The following LEPR variants were observed in gnomAD, a reference collection of about 807,000 sequenced individuals.
The protein encoded by LEPR is leptin receptor.
Under a neutral mutation model 114.7 loss-of-function variants are expected in LEPR, and 56 were observed. The observed-to-expected ratio is 0.49, with a 90% CI of 0.39 to 0.61. LEPR has a LOEUF of 0.61. Ranked by LOEUF, LEPR falls within the 20% of genes least tolerant of loss-of-function variation. LEPR has a pLI of 0.00. For synonymous variants in LEPR, 443 were observed against 461.4 expected, an observed-to-expected ratio of 0.96 and a Z score of 0.51; for missense variants, 1,202 against 1,352.9, an observed-to-expected ratio of 0.89 and a Z score of 1.75.
chr1:65,547,144 C>A lies in LEPR; in HGVS notation c.-20-18402C>A, dbSNP rs1044999440. ...GTGTATATTGAACCAGCCTTGCATC[C>A]CAGGGATGAAGCCCACTTGATCATG... On this transcript the variant is annotated intron_variant, in intron 2 of 19. Coordinates refer to ENST00000349533, the MANE Select transcript of LEPR (RefSeq NM_002303.6). Among the ~76,000 whole-genome samples, 11 of 151,308 alleles carry A rather than the reference C, an allele frequency of 7.3e-5. 1 individual carries two copies. The highest frequency in any genetic ancestry group is 6.6e-4 in the Admixed American group (10 of 15,192).
chr1:65,610,370 C>T (rs1399664603), intron 14 of LEPR, 74 bp downstream of exon 14: 1 of 1,227,128 alleles, frequency 8.1e-7, no homozygotes, highest in African/African-American at 1.5e-5. Context: ...GTCCATAATC[C>T]TGTTATTAAT....
intron 2 of LEPR, among the ~76,000 whole-genome samples, chr1:65,555,236 G>A (rs1652734511): frequency 6.6e-6 from 1 of 152,176 alleles, no homozygotes; most frequent in Non-Finnish European, 1.5e-5. Context: ...AACAGCAATA[G>A]CATGTTCTCA....
At chr1:65,420,809 G>A in intron 1 of LEPR, 69 bp downstream of exon 1, 1 of 1,534,604 alleles carries the variant, frequency 6.5e-7, no homozygotes, top group Non-Finnish European at 8.8e-7. Context: ...CAAGCCTGGG[G>A]CTGCGCCTTC....
intron 2 of LEPR, among the ~76,000 whole-genome samples, chr1:65,564,555 A>G (rs921680512): frequency 1.1e-5 from 1 of 91,768 alleles, no homozygotes; most frequent in African/African-American, 4.5e-5. Context: ...AGCTGTTCCT[A>G]TTCGGCCATC....
chr1:65,466,845 GA>G (rs1313228390), intron 2 of LEPR, among the ~76,000 whole-genome samples: 2 of 152,046 alleles, frequency 1.3e-5, no homozygotes, highest in African/African-American at 4.8e-5. Context: ...CATGCATCAC[GA>G]AGTTCTTGTG....
At chr1:65,535,406 C>A (rs1650697308) in intron 2 of LEPR, among the ~76,000 whole-genome samples, 1 of 151,484 alleles carries the variant, frequency 6.6e-6, no homozygotes, top group Non-Finnish European at 1.5e-5. Context: ...CGCTCTATCA[C>A]CCAGGCTGAA....
Position 65,605,043 on chromosome 1 carries a change from G to A in LEPR, c.1409G>A (p.Ser470Asn). ...STLQLRYHRS[S>N]LYCSDIPSIH... ...TATTTTTGTATCTTTTAAAGGAGCAGCCTTTACTGTTCTGATATTCCATCT... is the reference window on the plus strand; with the variant it reads ...TATTTTTGTATCTTTTAAAGGAGCAACCTTTACTGTTCTGATATTCCATCT... The change falls in exon 11 of 20, where the codon AGC becomes AAC. Residue 470 changes from serine (S) to asparagine (N), a missense_variant. Transcript: ENST00000349533. 6.2e-7 allele frequency: 1 copy of A among 1,612,652 alleles called. No homozygotes were observed. Among genetic ancestry groups the A allele is most frequent in the Middle Eastern group, 1.9e-4 (1 of 5,362 alleles).
At chr1:65,518,885 C>CTTTCTTTCTTTCTT (rs1553160610) in intron 2 of LEPR, among the ~76,000 whole-genome samples, 2 of 80,862 alleles carry the variant, frequency 2.5e-5, no homozygotes, top group East Asian at 2.1e-4. Context: ...TTCTTTCTTT[C>CTTTCTTTCTTTCTT]TTTCTTTCTT....
chr1:65,519,056 CTCCTTCCTTCCT>C (rs538448169), intron 2 of LEPR, among the ~76,000 whole-genome samples: 5 of 141,926 alleles, frequency 3.5e-5, no homozygotes, highest in African/African-American at 1.0e-4. Context: ...CTTTCTCTCT[CTCCTTCCTTCCT>C]TCCTTCCTTC....
chr1:65,457,587 G>T (rs1646893887), intron 2 of LEPR, among the ~76,000 whole-genome samples: 1 of 152,180 alleles, frequency 6.6e-6, no homozygotes, highest in Admixed American at 6.5e-5. Context: ...TACTGGTCAA[G>T]TCAGGGCTTT....
chr1:65,557,924 A>G (rs1652940193), intron 2 of LEPR, among the ~76,000 whole-genome samples: 1 of 152,164 alleles, frequency 6.6e-6, no homozygotes, highest in Non-Finnish European at 1.5e-5. Flanking sequence ...AACCATCAGA[A>G]TAGTTTGTGT....
chr1:65,619,327 A>G (rs1657731940), intron 16 of LEPR, among the ~76,000 whole-genome samples: 1 of 152,274 alleles, frequency 6.6e-6, no homozygotes, highest in Middle Eastern at 3.4e-3. Context: ...ATTCTTCTAG[A>G]AGAATATTCA....
chr1:65,567,533 G>C (rs1218020897), intron 3 of LEPR, among the ~76,000 whole-genome samples: 1 of 152,030 alleles, frequency 6.6e-6, no homozygotes, highest in Non-Finnish European at 1.5e-5. Context: ...TATCAGTATG[G>C]CCATAGTCAC....
Position 65,633,684 on chromosome 1 carries a change from G to A in LEPR, c.2674-2507G>A, listed in dbSNP as rs559409902. Reference sequence around the variant, plus strand: ...CCATTTTAGATTCCTTTATAGACACGTCAGCCTAAAAATCAGCCTATTCGG... The same window carrying A: ...CCATTTTAGATTCCTTTATAGACACATCAGCCTAAAAATCAGCCTATTCGG... On this transcript the variant is annotated intron_variant, in intron 19 of 19. Coordinates refer to ENST00000349533, the MANE Select transcript of LEPR (RefSeq NM_002303.6). This position sits in a 1 kb window ranked among gnomAD's most constrained non-coding sequence, Gnocchi z 4.1. 3 of 985,428 alleles carry A rather than the reference G, an allele frequency of 3.0e-6. No individual in the cohort carries two copies. The highest frequency in any genetic ancestry group is 6.1e-5 in the Admixed American group (1 of 16,266). The allele number at this position is 985,428 out of a possible 1,614,324, so 61.0% of individuals were successfully genotyped here.
At chr1:65,546,076 A>G (rs1291995365) in intron 2 of LEPR, among the ~76,000 whole-genome samples, 3 of 151,926 alleles carry the variant, frequency 2.0e-5, no homozygotes, top group African/African-American at 7.3e-5. Flanking sequence ...TCCTTTCCCC[A>G]TTGCTTGTTT....
At chr1:65,539,639 C>T (rs1328658050) in intron 2 of LEPR, among the ~76,000 whole-genome samples, 1 of 152,186 alleles carries the variant, frequency 6.6e-6, no homozygotes, top group East Asian at 1.9e-4. Flanking sequence ...GGCCATTTGA[C>T]ACCTTTGAAT....
chr1:65,493,420 A>G (rs1008790718), intron 2 of LEPR, among the ~76,000 whole-genome samples: 3 of 152,036 alleles, frequency 2.0e-5, no homozygotes, highest in African/African-American at 7.2e-5. Context: ...CTTTTGCTCC[A>G]TATTCCAGAA....
chr1:65,538,031 A>G (rs1182589534), intron 2 of LEPR, among the ~76,000 whole-genome samples: 1 of 152,154 alleles, frequency 6.6e-6, no homozygotes, highest in Admixed American at 6.5e-5. Context: ...ATTCATATTT[A>G]CATTGTGAAT....
At chr1:65,456,279 G>C (rs989232628) in intron 2 of LEPR, among the ~76,000 whole-genome samples, 1 of 152,030 alleles carries the variant, frequency 6.6e-6, no homozygotes, top group African/African-American at 2.4e-5. Context: ...GACCAGAGCT[G>C]TTCCTATTCG....
Sources: gnomAD v4.1 joint callset for allele counts (sites outside exome capture counted in the v4.1 genomes callset) on GRCh38, gnomAD v4.1.1 for gene constraint, Gnocchi (gnomAD v3.1) non-coding constraint, MANE v1.5 for transcripts, NCBI Gene and HGNC (gene_info 2026-07-23, HGNC 2026-07-21) for gene names.